The following RHOBTB2 variants were observed in gnomAD, a reference collection of about 807,000 sequenced individuals.
RHOBTB2 encodes Rho related BTB domain containing 2.
A neutral mutation model predicts 66.5 loss-of-function variants in RHOBTB2; 39 were observed. The observed-to-expected ratio is 0.59, with a 90% confidence interval of 0.45 to 0.77. The LOEUF (loss-of-function observed/expected upper bound fraction) is 0.77, where lower values mean the gene tolerates loss of function less well. Ranked by LOEUF, RHOBTB2 falls within the 30% of genes least tolerant of loss-of-function variation. RHOBTB2 has a pLI of 0.00. For synonymous variants in RHOBTB2, 390 were observed against 395.0 expected (o/e 0.99, Z 0.15); for missense variants, 755 against 999.1 (o/e 0.76, Z 3.29).
chr8:22,996,678 T>C (rs1378693445), upstream of RHOBTB2, among the ~76,000 whole-genome samples: 2 of 151,818 alleles, frequency 1.3e-5, no homozygotes, highest in Non-Finnish European at 2.9e-5. Flanking sequence ...TAGAGGAAAA[T>C]GGACTCCTCA....
chr8:22,996,848 C>A (rs1369759892), upstream of RHOBTB2, among the ~76,000 whole-genome samples: 1 of 151,972 alleles, frequency 6.6e-6, no homozygotes. Context: ...TGGGAGTGGC[C>A]CTGTTTTCCA....
chr8:22,959,471 C>T, the RHOBTB2 span, among the ~76,000 whole-genome samples: 16 of 152,058 alleles, frequency 1.1e-4, no homozygotes, highest in Non-Finnish European at 2.2e-4. Flanking sequence ...TCAGGCTGGT[C>T]TCCAACTCCT....
chr8:23,011,684 A>G (rs555040428), intron 7 of RHOBTB2, among the ~76,000 whole-genome samples: 1 of 152,332 alleles, frequency 6.6e-6, no homozygotes, highest in South Asian at 2.1e-4. Flanking sequence ...AGACCCAGGC[A>G]GGCAGACGGC....
intron 3 of RHOBTB2, 151 bp downstream of exon 3, chr8:23,005,626 T>C: frequency 1.5e-6 from 1 of 656,246 alleles, no homozygotes; most frequent in Non-Finnish European, 2.7e-6. Flanking sequence ...TGGGGCAGCC[T>C]GGTGCAGTGA....
chr8:23,011,319 C>T (rs1811140916), intron 7 of RHOBTB2, among the ~76,000 whole-genome samples: 1 of 152,238 alleles, frequency 6.6e-6, no homozygotes, highest in South Asian at 2.1e-4. Context: ...TTCACTTGGA[C>T]AAGCTTAAGA....
rs1585186109 is a variant in RHOBTB2, at chr8:23,000,121, C to T, written c.-11+16C>T. ...ATGTAGTGGTGTAAGTAGATGGCTG[C>T]TTGCGGTTATGGCGGGGTGGCCAGC... On this transcript the variant is annotated intron_variant, in intron 1 of 9. Transcript: ENST00000251822. 8 of 985,530 alleles carry T rather than the reference C, an allele frequency of 8.1e-6. No homozygotes were observed. In the South Asian group the frequency reaches 3.8e-4, roughly 46 times the overall value. The allele number at this position is 985,530 out of a possible 1,614,324, so 61.0% of individuals were successfully genotyped here.
At position 23,004,055 on chromosome 8, in the gene RHOBTB2, G is replaced by T. The variant is rs538560983; in HGVS notation, c.-10-370G>T. On this transcript the variant is annotated intron_variant, in intron 1 of 9. Coordinates refer to ENST00000251822, the MANE Select transcript of RHOBTB2 (RefSeq NM_015178.3). This position sits in a 1 kb window ranked among gnomAD's most constrained non-coding sequence, Gnocchi z 6.4. ...GTTGTTCTGCTGCCACTGCTCTGCC[G>T]GGGAAGGAGGAGGAGAGCAGATGAG... The T allele has an allele frequency of 2.3e-3, 729 of 320,942 alleles. 5 individuals are homozygous for T. Among genetic ancestry groups the T allele is most frequent in the Non-Finnish European group, 3.4e-3 (566 of 164,748 alleles). The allele number at this position is 320,942 out of a possible 1,614,324, so 19.9% of individuals were successfully genotyped here.
the RHOBTB2 span, among the ~76,000 whole-genome samples, chr8:22,954,812 A>G: frequency 6.6e-6 from 1 of 152,244 alleles, no homozygotes; most frequent in African/African-American, 2.4e-5. Flanking sequence ...GACTATATCT[A>G]AAACAAAAAC....
At position 23,007,193 on chromosome 8, in the gene RHOBTB2, A is replaced by G; in HGVS notation, c.948A>G (p.Pro316=). 1.2e-6 allele frequency: 2 copies of G among 1,604,606 alleles called. No individual in the cohort carries two copies. The highest frequency in any genetic ancestry group is 1.7e-6 in the Non-Finnish European group (2 of 1,178,568). Residue 316 remains proline (P), a synonymous_variant, in exon 5 of 10, where the codon CCA becomes CCG. Coordinates refer to ENST00000251822, the MANE Select transcript of RHOBTB2 (RefSeq NM_015178.3). ...GGPSEPGGTH[P]EDHQGHSDQH... ...CCTCGGAGCCAGGGGGCACCCACCC[A>G]GAGGACCACCAGGGCCACTCTGATC...
At chr8:22,960,830 G>C in the RHOBTB2 span, among the ~76,000 whole-genome samples, 1 of 152,138 alleles carries the variant, frequency 6.6e-6, no homozygotes, top group African/African-American at 2.4e-5. Flanking sequence ...TTTACTCAGG[G>C]ACAGAATGTA....
chr8:23,000,200 C>T, intron 1 of RHOBTB2, 95 bp downstream of exon 1: 1 of 870,312 alleles, frequency 1.1e-6, no homozygotes, highest in Non-Finnish European at 1.4e-6. Flanking sequence ...CCCCTCGCTA[C>T]GTTCCCCGGG....
the RHOBTB2 span, among the ~76,000 whole-genome samples, chr8:22,970,636 T>G: frequency 2.6e-5 from 4 of 152,158 alleles, no homozygotes; most frequent in African/African-American, 9.7e-5. Context: ...TATTTTTTAT[T>G]TTTTGTGGAG....
At chr8:22,999,478 C>T (rs1189808526), upstream of RHOBTB2, 1 of 879,910 alleles carries the variant, frequency 1.1e-6, no homozygotes, top group African/African-American at 1.9e-5. Flanking sequence ...GGCGTCCAAT[C>T]CCCTTCTTCC....
chr8:23,015,133 A>T (rs1407737512), intron 8 of RHOBTB2, among the ~76,000 whole-genome samples: 7 of 152,192 alleles, frequency 4.6e-5, no homozygotes, highest in Non-Finnish European at 1.0e-4. Flanking sequence ...CTTAATCCCA[A>T]ACAAACAAGC....
At chr8:22,953,813 G>T in the RHOBTB2 span, among the ~76,000 whole-genome samples, 80 of 152,304 alleles carry the variant, frequency 5.3e-4, 1 homozygote, top group African/African-American at 1.9e-3. Context: ...TCCTCACGAT[G>T]TTGAAAAGCT....
intron 1 of RHOBTB2, among the ~76,000 whole-genome samples, chr8:22,990,379 T>C (rs1459924308): frequency 6.6e-6 from 1 of 151,908 alleles, no homozygotes; most frequent in Admixed American, 6.6e-5. Flanking sequence ...CTTGCAGGCC[T>C]GCAGCTGGGA....
the RHOBTB2 span, among the ~76,000 whole-genome samples, chr8:22,975,365 G>C: frequency 2.0e-5 from 3 of 152,138 alleles, no homozygotes; most frequent in Non-Finnish European, 4.4e-5. Context: ...ACAGGCTTTG[G>C]TGGGAGTTTG....
At chr8:23,000,497 G>A (rs1316329035) in intron 1 of RHOBTB2, among the ~76,000 whole-genome samples, 1 of 152,192 alleles carries the variant, frequency 6.6e-6, no homozygotes, top group Non-Finnish European at 1.5e-5. Context: ...TCCGGAGCTG[G>A]TTCTTTGAAC....
the RHOBTB2 span, among the ~76,000 whole-genome samples, chr8:22,962,935 C>T: frequency 6.6e-6 from 1 of 152,216 alleles, no homozygotes; most frequent in Non-Finnish European, 1.5e-5. Flanking sequence ...CTCACATGCA[C>T]CCATGGGCAG....
Sources: gnomAD v4.1 joint callset for allele counts (sites outside exome capture counted in the v4.1 genomes callset) on GRCh38, gnomAD v4.1.1 for gene constraint, Gnocchi (gnomAD v3.1) non-coding constraint, MANE v1.5 for transcripts, NCBI Gene and HGNC (gene_info 2026-07-23, HGNC 2026-07-21) for gene names.